The following PDE11A variants were observed in gnomAD, a reference collection of about 807,000 sequenced individuals.
PDE11A encodes dual 3',5'-cyclic-AMP and -GMP phosphodiesterase 11A.
PDE11A carries 100 observed loss-of-function variants against 100.5 expected under a neutral mutation model. The ratio of observed to expected loss-of-function variants is 1.00; its 90% confidence interval spans 0.85 to 1.18. The LOEUF (loss-of-function observed/expected upper bound fraction) is 1.18, where lower values mean the gene tolerates loss of function less well. Among genes scored for constraint, PDE11A ranks in the 50% most tolerant of loss-of-function variants. The pLI, the probability that PDE11A is intolerant of heterozygous loss-of-function variation, is 0.00. For missense variants in PDE11A, 1,141 were observed against 1,152.6 expected (o/e 0.99, Z 0.15); for synonymous variants, 381 against 420.8 (o/e 0.91, Z 1.16).
chr2:177,782,292 G>T (rs1365975170), intron 9 of PDE11A, among the ~76,000 whole-genome samples: 4 of 152,184 alleles, frequency 2.6e-5, no homozygotes, highest in Non-Finnish European at 1.5e-5. Flanking sequence ...TTCTATGAGA[G>T]GTGGGGTCTA....
chr2:177,941,198 T>TTTGACAGAC (rs1386271991), intron 2 of PDE11A, among the ~76,000 whole-genome samples: 1 of 152,168 alleles, frequency 6.6e-6, no homozygotes, highest in Non-Finnish European at 1.5e-5. Context: ...ACTAACTCAT[T>TTTGACAGAC]TTGACAGACT....
chr2:178,038,580 C>T (rs975718030), intron 1 of PDE11A, among the ~76,000 whole-genome samples: 15 of 152,024 alleles, frequency 9.9e-5, no homozygotes, highest in African/African-American at 3.6e-4. Flanking sequence ...GGGCCAATGA[C>T]ATGGACCAGT....
intron 19 of PDE11A, among the ~76,000 whole-genome samples, chr2:177,644,114 C>T (rs1364416164): frequency 6.6e-6 from 1 of 152,240 alleles, no homozygotes; most frequent in Non-Finnish European, 1.5e-5. Flanking sequence ...ACAGAGTCCC[C>T]ACCTGGGCAT....
At chr2:178,034,031 A>G (rs2105843169) in intron 1 of PDE11A, among the ~76,000 whole-genome samples, 1 of 152,358 alleles carries the variant, frequency 6.6e-6, no homozygotes, top group African/African-American at 2.4e-5. Flanking sequence ...GAAAGGATCA[A>G]ATTCACACAT....
intron 12 of PDE11A, among the ~76,000 whole-genome samples, chr2:177,721,327 G>T (rs2081522953): frequency 6.6e-6 from 1 of 152,044 alleles, no homozygotes; most frequent in African/African-American, 2.4e-5. Flanking sequence ...CAAACCTCTG[G>T]TATCTGTCAA....
chr2:178,044,675 C>T (rs1162449686), intron 1 of PDE11A, among the ~76,000 whole-genome samples: 2 of 151,936 alleles, frequency 1.3e-5, no homozygotes, highest in African/African-American at 2.4e-5. Flanking sequence ...CTTTACCCTC[C>T]AAATGAGGAT....
chr2:178,054,702 C>G (rs140957475), intron 1 of PDE11A, among the ~76,000 whole-genome samples: 3,798 of 152,300 alleles, frequency 0.025, 146 homozygotes, highest in African/African-American at 0.086. Flanking sequence ...TGAACAGACA[C>G]TTCTCCAAAG....
chr2:177,933,618 T>A (rs10165196), intron 2 of PDE11A, among the ~76,000 whole-genome samples: 13,145 of 151,636 alleles, frequency 0.087, 537 homozygotes, highest in South Asian at 0.1. Flanking sequence ...GAGGTGGAGG[T>A]TGCAGTGAGC....
At chr2:177,964,223 C>T (rs2695101) in intron 2 of PDE11A, among the ~76,000 whole-genome samples, 40,041 of 151,582 alleles carry the variant, frequency 0.26, 5,630 homozygotes, top group African/African-American at 0.36. Context: ...CATCTCAGCT[C>T]AGTGCAACCT....
intron 19 of PDE11A, among the ~76,000 whole-genome samples, chr2:177,638,584 T>G (rs558182155): frequency 1.2e-3 from 186 of 151,982 alleles, no homozygotes; most frequent in Middle Eastern, 3.4e-3. Context: ...AAGTTTATAT[T>G]GTTGGGTGAT....
chr2:177,967,241 G>A (rs12693150), intron 2 of PDE11A, among the ~76,000 whole-genome samples: 8,957 of 140,586 alleles, frequency 0.064, 292 homozygotes, highest in South Asian at 0.095. Flanking sequence ...GTGTCGCCCA[G>A]CCTTGAGTAC....
chr2:178,085,334 C>T (rs1368894242), intron 2 of PDE11A, among the ~76,000 whole-genome samples: 2 of 151,974 alleles, frequency 1.3e-5, no homozygotes, highest in Non-Finnish European at 2.9e-5. Context: ...CCTACAATAC[C>T]TTAAACAGGT....
At chr2:178,082,263 C>T (rs1559066315) in intron 2 of PDE11A, among the ~76,000 whole-genome samples, 1 of 152,120 alleles carries the variant, frequency 6.6e-6, no homozygotes, top group Non-Finnish European at 1.5e-5. Flanking sequence ...AGAACAGTTT[C>T]GGTCACATAG....
chr2:177,898,927 C>A (rs942010311), intron 3 of PDE11A, among the ~76,000 whole-genome samples: 24 of 152,160 alleles, frequency 1.6e-4, no homozygotes, highest in Non-Finnish European at 7.4e-5. Flanking sequence ...AACTTTGGAA[C>A]ATTTACCCCA....
At chr2:177,901,469 C>T (rs2084697727) in intron 3 of PDE11A, among the ~76,000 whole-genome samples, 2 of 152,280 alleles carry the variant, frequency 1.3e-5, no homozygotes, top group East Asian at 1.9e-4. Context: ...TTTTGCAATT[C>T]CCCTGTCTTG....
At chr2:177,879,707 C>G (rs976298750) in intron 4 of PDE11A, among the ~76,000 whole-genome samples, 1 of 151,950 alleles carries the variant, frequency 6.6e-6, no homozygotes, top group African/African-American at 2.4e-5. Flanking sequence ...GGAATAGCAA[C>G]TGAGGGATAT....
intron 3 of PDE11A, chr2:177,899,585 A>C (rs1161436938): frequency 1.6e-5 from 5 of 321,058 alleles, no homozygotes; most frequent in Middle Eastern, 3.9e-4. Context: ...CATCCCTTAC[A>C]TAACTCTGAA....
In PDE11A at chr2:177,759,201, A is replaced by G. The variant is rs3835951; in HGVS notation, c.1788+10122T>C. ...CACACACACACACACACACACACACACGCACACACAAATGGAAACAGTATC... is the reference window on the plus strand; with the variant it reads ...CACACACACACACACACACACACACGCGCACACACAAATGGAAACAGTATC... On this transcript the variant is annotated intron_variant, in intron 10 of 19. Coordinates refer to ENST00000286063, the MANE Select transcript of PDE11A (RefSeq NM_016953.4). Among the ~76,000 whole-genome samples, 553 of 149,628 alleles carry G rather than the reference A, an allele frequency of 3.7e-3. 5 individuals are homozygous for G. The highest frequency in any genetic ancestry group is 0.012 in the African/African-American group (486 of 40,526).
In PDE11A at chr2:178,014,419, G is replaced by A; in HGVS notation, c.954C>T (p.Tyr318=). ...GCATGCACAATAATGATTTTGTCTTGTATCCAGTTAGCTTGTCGATTTCAT... is the reference window on the plus strand; with the variant it reads ...GCATGCACAATAATGATTTTGTCTTATATCCAGTTAGCTTGTCGATTTCAT... The part of the protein sequence containing the change: ...FNDEIDKLTG[Y]KTKSLLCMPI... Residue 318 remains tyrosine, a synonymous_variant, in exon 2 of 20, where the codon TAC becomes TAT. Coordinates refer to ENST00000286063, the MANE Select transcript of PDE11A (RefSeq NM_016953.4). The A allele has an allele frequency of 1.9e-6, 3 of 1,612,974 alleles. No individual in the cohort carries two copies. Among genetic ancestry groups the A allele is most frequent in the Non-Finnish European group, 2.5e-6 (3 of 1,179,082 alleles).
Sources: gnomAD v4.1 joint callset for allele counts (sites outside exome capture counted in the v4.1 genomes callset) on GRCh38, gnomAD v4.1.1 for gene constraint, MANE v1.5 for transcripts, NCBI Gene and HGNC (gene_info 2026-07-23, HGNC 2026-07-21) for gene names.